Variants in KCND3 observed in about 807,000 individuals in gnomAD.
The protein encoded by KCND3 is potassium voltage-gated channel subfamily D member 3.
KCND3 carries 9 observed loss-of-function variants against 51.1 expected under a neutral mutation model. The observed-to-expected ratio is 0.18, with a 90% CI of 0.11 to 0.31. The LOEUF is 0.31. KCND3 is among the 10% of genes least tolerant of loss of function. KCND3 has a pLI of 1.00. For synonymous variants in KCND3, 349 were observed against 368.0 expected (o/e 0.95, Z 0.59); for missense variants, 526 against 903.8 (o/e 0.58, Z 5.36).
chr1:111,932,872 T>A (rs1216821987), intron 2 of KCND3, among the ~76,000 whole-genome samples: 1 of 152,108 alleles, frequency 6.6e-6, no homozygotes, highest in Non-Finnish European at 1.5e-5. Flanking sequence ...TGCTCTGGGG[T>A]CTCGGAGCAC....
chr1:111,803,156 C>G (rs1665396217), intron 2 of KCND3, among the ~76,000 whole-genome samples: 1 of 152,164 alleles, frequency 6.6e-6, no homozygotes, highest in African/African-American at 2.4e-5. Context: ...TTCCTGCCCT[C>G]TAGTTCCAGG....
chr1:111,855,675 T>C (rs1354267500), intron 2 of KCND3, among the ~76,000 whole-genome samples: 5 of 152,112 alleles, frequency 3.3e-5, no homozygotes, highest in Non-Finnish European at 7.4e-5. Flanking sequence ...TCTCTCACCT[T>C]AGACCTTTTC....
At chr1:111,839,850 C>T (rs1270219691) in intron 2 of KCND3, among the ~76,000 whole-genome samples, 1 of 152,236 alleles carries the variant, frequency 6.6e-6, no homozygotes, top group African/African-American at 2.4e-5. Context: ...ACAGTAACAA[C>T]CACAGAAATA....
At chr1:111,883,739 G>A (rs1669440938) in intron 2 of KCND3, among the ~76,000 whole-genome samples, 1 of 152,216 alleles carries the variant, frequency 6.6e-6, no homozygotes, top group South Asian at 2.1e-4. Context: ...TGCATCCACA[G>A]TCCTTTGTTT....
At chr1:111,846,453 T>A (rs535302858) in intron 2 of KCND3, among the ~76,000 whole-genome samples, 8 of 152,120 alleles carry the variant, frequency 5.3e-5, no homozygotes, top group Admixed American at 5.2e-4. Flanking sequence ...CTGCTGCTGC[T>A]GATAAAAGAA....
chr1:111,841,269 C>G (rs962490301), intron 2 of KCND3, among the ~76,000 whole-genome samples: 1 of 152,204 alleles, frequency 6.6e-6, no homozygotes, highest in Non-Finnish European at 1.5e-5. Flanking sequence ...CAGATTCAGA[C>G]AAGCATGCAC....
intron 2 of KCND3, among the ~76,000 whole-genome samples, chr1:111,866,263 CTT>C (rs11399761): frequency 6.5e-3 from 351 of 54,196 alleles, no homozygotes; most frequent in African/African-American, 0.015. Context: ...CTTTTCTTTT[CTT>C]TTTTTTTTTT....
chr1:111,939,465 T>A (rs145214606), intron 2 of KCND3, among the ~76,000 whole-genome samples: 1,552 of 152,252 alleles, frequency 0.01, 23 homozygotes, highest in African/African-American at 0.035. Context: ...CACTTATGAG[T>A]GAGAACATTC....
intron 2 of KCND3, among the ~76,000 whole-genome samples, chr1:111,896,964 A>G (rs754174077): frequency 5.9e-5 from 9 of 152,184 alleles, no homozygotes; most frequent in Non-Finnish European, 1.3e-4. Context: ...CTTAGTCACT[A>G]TTATTATGAC....
intron 2 of KCND3, among the ~76,000 whole-genome samples, chr1:111,913,625 A>G (rs1446369671): frequency 2.6e-5 from 4 of 152,186 alleles, no homozygotes; most frequent in African/African-American, 9.6e-5. Context: ...CATCTAATAA[A>G]ATAGGGCTGT....
intron 3 of KCND3, among the ~76,000 whole-genome samples, chr1:111,786,025 C>A (rs1244288232): frequency 2.0e-5 from 3 of 152,230 alleles, no homozygotes; most frequent in Non-Finnish European, 4.4e-5. Context: ...CTGGCCATAA[C>A]CCCTGGGGGC....
intron 2 of KCND3, among the ~76,000 whole-genome samples, chr1:111,796,017 T>C (rs1276966545): frequency 3.9e-5 from 6 of 152,242 alleles, no homozygotes; most frequent in Admixed American, 2.0e-4. Context: ...CTTTGCCCAC[T>C]TTTTAATGGG....
At chr1:111,823,927 C>CAA (rs1313680683) in intron 2 of KCND3, among the ~76,000 whole-genome samples, 1 of 152,100 alleles carries the variant, frequency 6.6e-6, no homozygotes. Flanking sequence ...CATTTGAAGA[C>CAA]AAAAGCAAAA....
At chr1:111,878,887 T>C (rs1210815142) in intron 2 of KCND3, among the ~76,000 whole-genome samples, 3 of 152,134 alleles carry the variant, frequency 2.0e-5, no homozygotes, top group Non-Finnish European at 2.9e-5. Context: ...GAGATCAACA[T>C]TCGATTCAGC....
At chr1:111,934,072 CG>C (rs375482478) in intron 2 of KCND3, among the ~76,000 whole-genome samples, 25 of 152,128 alleles carry the variant, frequency 1.6e-4, no homozygotes, top group Admixed American at 3.9e-4. Flanking sequence ...GAAGGTGGTG[CG>C]GGGGCTCAGC....
intron 2 of KCND3, 40 bp from the exon 3 acceptor site, chr1:111,787,146 C>T (rs780616185): frequency 3.7e-6 from 6 of 1,602,760 alleles, no homozygotes; most frequent in Non-Finnish European, 5.1e-6. Flanking sequence ...GGAGAGAGGG[C>T]CATTTGGGAA....
intron 2 of KCND3, chr1:111,910,095 CTCTCTCTCTT>C (rs1670860569): frequency 6.6e-6 from 1 of 152,202 alleles, no homozygotes; most frequent in Non-Finnish European, 1.5e-5. Context: ...CCCAAACTCT[CTCTCTCTCTT>C]TCTCTTTCTC....
intron 2 of KCND3, among the ~76,000 whole-genome samples, chr1:111,843,206 T>G (rs1362535984): frequency 6.6e-6 from 1 of 152,154 alleles, no homozygotes; most frequent in East Asian, 1.9e-4. Context: ...GTTTGGGGTT[T>G]CCATAGCAAG....
At chr1:111,913,928 A>C (rs949925881) in intron 2 of KCND3, among the ~76,000 whole-genome samples, 24 of 152,270 alleles carry the variant, frequency 1.6e-4, no homozygotes, top group African/African-American at 5.5e-4. Flanking sequence ...AACAAACCCC[A>C]CAAGTTATGC....
Sources: gnomAD v4.1 joint callset for allele counts (sites outside exome capture counted in the v4.1 genomes callset) on GRCh38, gnomAD v4.1.1 for gene constraint, MANE v1.5 for transcripts, NCBI Gene and HGNC (gene_info 2026-07-23, HGNC 2026-07-21) for gene names.